Variants in TAFA5 observed in about 807,000 individuals in gnomAD.
The protein encoded by TAFA5 is TAFA chemokine like family member 5.
Under a neutral mutation model 15.3 loss-of-function variants are expected in TAFA5, and 6 were observed. That is an observed-to-expected ratio of 0.39 (90% CI 0.21 to 0.77). The LOEUF (loss-of-function observed/expected upper bound fraction) is 0.77. TAFA5 is among the 30% of genes least tolerant of loss of function. The pLI is 0.41. For missense variants in TAFA5, 161 were observed against 193.1 expected (o/e 0.83, Z 0.98); for synonymous variants, 103 against 80.7 (o/e 1.28, Z -1.48).
intron 2 of TAFA5, among the ~76,000 whole-genome samples, chr22:48,697,797 G>GTGA (rs1042187775): frequency 1.9e-4 from 26 of 137,980 alleles, no homozygotes; most frequent in Admixed American, 4.2e-4. Flanking sequence ...GATGATGATG[G>GTGA]TGATGATGAT....
At chr22:48,708,681 G>A (rs77191215) in intron 3 of TAFA5, among the ~76,000 whole-genome samples, 6,205 of 152,330 alleles carry the variant, frequency 0.041, 389 homozygotes, top group African/African-American at 0.14. Flanking sequence ...AGCTGAGGAC[G>A]TGAGTGGGTG....
intron 1 of TAFA5, among the ~76,000 whole-genome samples, chr22:48,497,104 C>T (rs943349398): frequency 1.8e-4 from 27 of 152,310 alleles, no homozygotes; most frequent in African/African-American, 6.3e-4. Context: ...GTGCCAGCTC[C>T]ACTCCCCACG....
chr22:48,715,141 C>T (rs538547590), intron 3 of TAFA5, among the ~76,000 whole-genome samples: 1 of 152,356 alleles, frequency 6.6e-6, no homozygotes, highest in East Asian at 1.9e-4. Flanking sequence ...TTGGGGGCCC[C>T]CCATTCCACC....
chr22:48,694,489 G>T (rs1928639018), intron 2 of TAFA5, among the ~76,000 whole-genome samples: 1 of 152,168 alleles, frequency 6.6e-6, no homozygotes, highest in Non-Finnish European at 1.5e-5. Flanking sequence ...ACTCCTCCCA[G>T]AAACACGGGC....
intron 2 of TAFA5, among the ~76,000 whole-genome samples, chr22:48,693,576 C>T (rs1475333381): frequency 2.0e-5 from 3 of 152,210 alleles, no homozygotes; most frequent in African/African-American, 7.2e-5. Flanking sequence ...GTTCCCACCC[C>T]TGGTCCGGCT....
At chr22:48,527,998 T>C (rs1231879046) in intron 1 of TAFA5, among the ~76,000 whole-genome samples, 3 of 152,242 alleles carry the variant, frequency 2.0e-5, no homozygotes, top group Admixed American at 2.0e-4. Flanking sequence ...GGGAATGTCA[T>C]GTGACCCTTG....
At chr22:48,689,174 G>C (rs75316239) in intron 2 of TAFA5, among the ~76,000 whole-genome samples, 3,594 of 152,248 alleles carry the variant, frequency 0.024, 140 homozygotes, top group African/African-American at 0.082. Flanking sequence ...AAGATGGCTA[G>C]AGCAGTTAGG....
At position 48,688,567 on chromosome 22, in the gene TAFA5, C is replaced by G. The variant is rs186167973; in HGVS notation, c.263-19150C>G. On this transcript the variant is annotated intron_variant, in intron 2 of 3. Transcript: ENST00000402357. ...AGATCTTCAGGCCTCTTAACTCCCC[C>G]TGGCTGCTCGGGGGACGGTGGCTTT... is the stretch of plus-strand genomic sequence containing the variant. 1.6e-3 allele frequency among the ~76,000 whole-genome samples: 240 copies of G among 152,316 alleles called. 1 individual carries two copies. The highest frequency in any genetic ancestry group is 5.6e-3 in the African/African-American group (231 of 41,590).
chr22:48,647,429 G>A (rs780238328), intron 2 of TAFA5, among the ~76,000 whole-genome samples: 6 of 152,124 alleles, frequency 3.9e-5, no homozygotes, highest in Non-Finnish European at 7.4e-5. Context: ...TCATCTGGTA[G>A]GGAACTCTGC....
At chr22:48,638,979 GA>G (rs1383854468) in intron 1 of TAFA5, among the ~76,000 whole-genome samples, 1 of 147,216 alleles carries the variant, frequency 6.8e-6, no homozygotes, top group East Asian at 2.1e-4. Flanking sequence ...ACACAGGGGG[GA>G]CCCCGACACT....
At position 48,742,970 on chromosome 22, in the gene TAFA5, G is replaced by A. The variant is rs1415090554; in HGVS notation, c.391-6869G>A. On this transcript the variant is annotated intron_variant, in intron 3 of 3. Transcript: ENST00000402357. The surrounding 1 kb of genome is among the most constrained non-coding windows in gnomAD (Gnocchi z 6.2). The stretch of plus-strand genomic sequence containing the variant: ...GGCCCCGCCCTCAGCCCAGCCCTGG[G>A]ACGCAGGCTCAGCAGCCCCCGGATT... Among the ~76,000 whole-genome samples, 4 of 152,184 alleles carry A rather than the reference G, an allele frequency of 2.6e-5. No individual in the cohort carries two copies. Among genetic ancestry groups the A allele is most frequent in the Admixed American group, 2.0e-4 (3 of 15,280 alleles).
intron 1 of TAFA5, among the ~76,000 whole-genome samples, chr22:48,634,070 G>T (rs1196233615): frequency 1.3e-5 from 2 of 152,174 alleles, no homozygotes; most frequent in African/African-American, 4.8e-5. Flanking sequence ...CAGGCGAGAA[G>T]TCATGGCCAG....
intron 2 of TAFA5, among the ~76,000 whole-genome samples, chr22:48,702,250 G>A (rs1928933268): frequency 6.6e-6 from 1 of 152,156 alleles, no homozygotes; most frequent in African/African-American, 2.4e-5. Context: ...CATGGTGTGG[G>A]ATGGAAGATG....
At chr22:48,526,883 GA>G (rs1921799127) in intron 1 of TAFA5, among the ~76,000 whole-genome samples, 2 of 152,202 alleles carry the variant, frequency 1.3e-5, no homozygotes, top group Admixed American at 6.5e-5. Context: ...TCATTAGAAA[GA>G]ATTAACAATG....
intron 1 of TAFA5, among the ~76,000 whole-genome samples, chr22:48,494,781 C>T (rs369412175): frequency 4.6e-5 from 7 of 152,348 alleles, no homozygotes; most frequent in South Asian, 2.1e-4. Flanking sequence ...CAAGCTGCCT[C>T]GGTGCTGGGC....
intron 3 of TAFA5, among the ~76,000 whole-genome samples, chr22:48,725,152 G>C (rs925518491): frequency 6.6e-6 from 1 of 152,256 alleles, no homozygotes; most frequent in Non-Finnish European, 1.5e-5. Context: ...AAGGCCTGCT[G>C]CACATCGCCC....
chr22:48,634,389 G>T (rs576127434), intron 1 of TAFA5, among the ~76,000 whole-genome samples: 1 of 151,362 alleles, frequency 6.6e-6, no homozygotes, highest in Non-Finnish European at 1.5e-5. Flanking sequence ...ATTCAGTCAC[G>T]CACTCATTTA....
intron 1 of TAFA5, among the ~76,000 whole-genome samples, chr22:48,573,045 G>A (rs1487913484): frequency 2.6e-5 from 4 of 152,242 alleles, no homozygotes; most frequent in African/African-American, 9.6e-5. Flanking sequence ...TCCCCGGGCA[G>A]AAGGCACCCC....
intron 1 of TAFA5, among the ~76,000 whole-genome samples, chr22:48,618,862 C>A (rs1925707569): frequency 1.3e-5 from 2 of 152,192 alleles, no homozygotes; most frequent in Non-Finnish European, 2.9e-5. Flanking sequence ...CTCCTGACAC[C>A]CTGGGTTCCC....
Sources: allele counts gnomAD v4.1 joint callset (sites outside exome capture counted in the v4.1 genomes callset), GRCh38; gene constraint gnomAD v4.1.1; non-coding constraint Gnocchi (gnomAD v3.1); transcripts MANE v1.5; gene names NCBI Gene and HGNC (gene_info 2026-07-23, HGNC 2026-07-21).